Variants in ABHD17C observed in about 807,000 individuals in gnomAD.
ABHD17C encodes the protein alpha/beta hydrolase domain-containing protein 17C.
ABHD17C carries 11 observed loss-of-function variants against 27.9 expected under a neutral mutation model. The ratio of observed to expected loss-of-function variants is 0.39; its 90% CI spans 0.25 to 0.65. The LOEUF (loss-of-function observed/expected upper bound fraction) is 0.65. ABHD17C is among the 30% of genes least tolerant of loss of function. The probability of loss-of-function intolerance (pLI) is 0.45; values close to 1 mark genes in which losing one functional copy is unlikely to be tolerated. For missense variants in ABHD17C, 280 were observed against 470.2 expected, an observed-to-expected ratio of 0.60 and a Z score of 3.74; for synonymous variants, 233 against 209.1, an observed-to-expected ratio of 1.11 and a Z score of -0.98.
chr15:80,709,185 T>C (rs1313751763), intron 1 of ABHD17C, among the ~76,000 whole-genome samples: 1 of 151,346 alleles, frequency 6.6e-6, no homozygotes, highest in African/African-American at 2.4e-5. Flanking sequence ...AAATATATAG[T>C]TTTTTAAAAA....
intron 1 of ABHD17C, among the ~76,000 whole-genome samples, chr15:80,701,383 GA>G (rs892241653): frequency 1.8e-4 from 28 of 152,028 alleles, no homozygotes; most frequent in Non-Finnish European, 2.8e-4. Flanking sequence ...TTAGGGAACA[GA>G]AAAACAGAAA....
chr15:80,705,687 C>G (rs1349987727), intron 1 of ABHD17C, among the ~76,000 whole-genome samples: 3 of 152,046 alleles, frequency 2.0e-5, no homozygotes. Flanking sequence ...GATACAAATA[C>G]CCAGGTCAAG....
chr15:80,698,181 C>T (rs535466936), intron 1 of ABHD17C, among the ~76,000 whole-genome samples: 4 of 151,250 alleles, frequency 2.6e-5, no homozygotes, highest in Admixed American at 1.3e-4. Flanking sequence ...TCTCCTACCT[C>T]AGCCTCCCGA....
chr15:80,723,768 T>C (rs1009668337), intron 1 of ABHD17C, among the ~76,000 whole-genome samples: 3 of 152,308 alleles, frequency 2.0e-5, no homozygotes, highest in Admixed American at 6.5e-5. Flanking sequence ...GCTGCTGCTT[T>C]GCGTGGCCGA....
intron 1 of ABHD17C, among the ~76,000 whole-genome samples, chr15:80,718,679 C>T (rs1567033529): frequency 6.6e-6 from 1 of 152,192 alleles, no homozygotes; most frequent in South Asian, 2.1e-4. Flanking sequence ...TCAATATCTC[C>T]TTGCCACTGA....
At chr15:80,726,615 C>A (rs1394056254) in intron 1 of ABHD17C, among the ~76,000 whole-genome samples, 1 of 149,228 alleles carries the variant, frequency 6.7e-6, no homozygotes. Context: ...CGCGTTCACA[C>A]CATTCTCCTG....
rs573385237 is a variant in ABHD17C at position 80,745,624 on chromosome 15, T to TC, written c.591-3887dup. Among the ~76,000 whole-genome samples, 275 of 152,182 alleles carry TC rather than the reference T, an allele frequency of 1.8e-3. 1 individual carries two copies. Among genetic ancestry groups the TC allele is most frequent in the African/African-American group, 6.3e-3 (262 of 41,504 alleles). On this transcript the variant is annotated intron_variant, in intron 1 of 2. Coordinates refer to ENST00000258884, the MANE Select transcript of ABHD17C (RefSeq NM_021214.2). Reference sequence around the variant, plus strand: ...TCAAGTGATCTTCCCACCTTGGCCTTCCAAAGCGCTGGGATTACAGGCGTG... The same window carrying TC: ...TCAAGTGATCTTCCCACCTTGGCCTTCCCAAAGCGCTGGGATTACAGGCGTG...
chr15:80,738,427 G>A (rs1287405273), intron 1 of ABHD17C, among the ~76,000 whole-genome samples: 1 of 152,156 alleles, frequency 6.6e-6, no homozygotes, highest in African/African-American at 2.4e-5. Context: ...CCTGGATGGA[G>A]ATGTTCATCA....
At chr15:80,729,115 T>C (rs1895022445) in intron 1 of ABHD17C, among the ~76,000 whole-genome samples, 2 of 152,220 alleles carry the variant, frequency 1.3e-5, no homozygotes, top group Non-Finnish European at 2.9e-5. Context: ...TATCTTCAGC[T>C]TGTGGGCACC....
At chr15:80,699,811 A>T (rs1031767941) in intron 1 of ABHD17C, among the ~76,000 whole-genome samples, 1 of 152,228 alleles carries the variant, frequency 6.6e-6, no homozygotes, top group African/African-American at 2.4e-5. Context: ...AAAGTTACTG[A>T]AAAGAGTGTA....
chr15:80,726,554 T>C (rs1334338316), intron 1 of ABHD17C, among the ~76,000 whole-genome samples: 5 of 125,012 alleles, frequency 4.0e-5, no homozygotes, highest in Non-Finnish European at 6.3e-5. Flanking sequence ...CTCTGTCGCC[T>C]AGGCTGGAGG....
At position 80,716,686 on chromosome 15, in the gene ABHD17C, C is replaced by T. The variant is rs115929677; in HGVS notation, c.590+20667C>T. Among the ~76,000 whole-genome samples, 423 of 152,208 alleles carry T rather than the reference C, an allele frequency of 2.8e-3. 4 individuals carry two copies. The highest frequency in any genetic ancestry group is 9.8e-3 in the African/African-American group (407 of 41,522). On this transcript the variant is annotated intron_variant, in intron 1 of 2. Coordinates refer to ENST00000258884, the MANE Select transcript of ABHD17C (RefSeq NM_021214.2). Reference sequence around the variant, plus strand: ...GTAAGCTCCATGAAGGCAGAAGTGGCGTCTTGTTCATATTTGAATTCCCTA... The same window carrying T: ...GTAAGCTCCATGAAGGCAGAAGTGGTGTCTTGTTCATATTTGAATTCCCTA...
At chr15:80,698,104 G>T (rs1420051904) in intron 1 of ABHD17C, among the ~76,000 whole-genome samples, 1 of 125,806 alleles carries the variant, frequency 7.9e-6, no homozygotes, top group Non-Finnish European at 1.6e-5. Flanking sequence ...TTGCTCTGTC[G>T]CCCAGGCTGG....
chr15:80,739,400 A>G (rs1895175481), intron 1 of ABHD17C, among the ~76,000 whole-genome samples: 1 of 152,010 alleles, frequency 6.6e-6, no homozygotes, highest in South Asian at 2.1e-4. Context: ...TGCCCTTGAT[A>G]TGGTTTAGAT....
chr15:80,735,708 C>T (rs1405821291), intron 1 of ABHD17C, among the ~76,000 whole-genome samples: 1 of 152,184 alleles, frequency 6.6e-6, no homozygotes, highest in Non-Finnish European at 1.5e-5. Context: ...CTTTGAGCTC[C>T]ACCTTCTACC....
At chr15:80,712,223 G>A (rs141466614) in intron 1 of ABHD17C, among the ~76,000 whole-genome samples, 4 of 152,326 alleles carry the variant, frequency 2.6e-5, no homozygotes, top group Admixed American at 2.6e-4. Flanking sequence ...CCGGAGCCCA[G>A]TACAATAGTT....
At chr15:80,713,900 C>CGACACA (rs1894765543) in intron 1 of ABHD17C, among the ~76,000 whole-genome samples, 1 of 141,048 alleles carries the variant, frequency 7.1e-6, no homozygotes, top group Admixed American at 7.1e-5. Context: ...CATATACAGA[C>CGACACA]CACACACACA....
At position 80,695,343 on chromosome 15, in the gene ABHD17C, C is replaced by T. The variant is rs2141485293; in HGVS notation, c.-87C>T. 2 of 933,488 alleles carry T rather than the reference C, an allele frequency of 2.1e-6. No individual in the cohort carries two copies. The highest frequency in any genetic ancestry group is 5.4e-5 in the East Asian group (1 of 18,390). 57.8% of individuals were successfully genotyped at this position (933,488 alleles called of 1,614,324 possible). A position where few individuals can be genotyped will look rare whatever the true frequency, so the allele number is the denominator to read the frequency against. On this transcript the variant is annotated 5_prime_UTR_variant, in exon 1 of 3. Transcript: ENST00000258884. The surrounding 1 kb of genome is among the most constrained non-coding windows in gnomAD (Gnocchi z 4.3). ...GCCGCCCTCCGCGCTCGCCTGCCAG[C>T]TCCCTCGCCGCGCGTCCGTCCTCCG...
intron 1 of ABHD17C, among the ~76,000 whole-genome samples, chr15:80,742,319 A>G (rs1454613261): frequency 6.6e-6 from 1 of 152,154 alleles, no homozygotes; most frequent in African/African-American, 2.4e-5. Context: ...TTGGAGGCCA[A>G]AGGCCTGAGA....
Sources: gnomAD v4.1 joint callset for allele counts (sites outside exome capture counted in the v4.1 genomes callset) on GRCh38, gnomAD v4.1.1 for gene constraint, Gnocchi (gnomAD v3.1) non-coding constraint, MANE v1.5 for transcripts, NCBI Gene and HGNC (gene_info 2026-07-23, HGNC 2026-07-21) for gene names.